Variants in PDE11A observed in about 807,000 individuals in gnomAD.
The protein encoded by PDE11A is dual 3',5'-cyclic-AMP and -GMP phosphodiesterase 11A.
Under a neutral mutation model 100.5 loss-of-function variants are expected in PDE11A, and 100 were observed. The observed-to-expected ratio is 1.00, with a 90% CI of 0.85 to 1.18. The LOEUF (loss-of-function observed/expected upper bound fraction) is 1.18, where lower values mean the gene tolerates loss of function less well. Among genes scored for constraint, PDE11A ranks in the 50% most tolerant of loss-of-function variants. The pLI, the probability that PDE11A is intolerant of heterozygous loss-of-function variation, is 0.00. For missense variants in PDE11A, 1,141 were observed against 1,152.6 expected (o/e 0.99, Z 0.15); for synonymous variants, 381 against 420.8 (o/e 0.91, Z 1.16).
chr2:177,853,714 T>TGTGTGTGTGTG (rs1558974124), intron 5 of PDE11A, among the ~76,000 whole-genome samples: 1 of 16,288 alleles, frequency 6.1e-5, no homozygotes. Context: ...GTGTGTGTGT[T>TGTGTGTGTGTG]TGTGTGTGTG....
At chr2:178,078,057 C>T (rs900226157) in intron 2 of PDE11A, among the ~76,000 whole-genome samples, 4 of 152,008 alleles carry the variant, frequency 2.6e-5, no homozygotes, top group South Asian at 2.1e-4. Flanking sequence ...CCCTAGGAAA[C>T]GAATGCAAGA....
chr2:177,773,963 CT>C (rs1287463529), intron 9 of PDE11A, among the ~76,000 whole-genome samples: 1 of 152,130 alleles, frequency 6.6e-6, no homozygotes, highest in Non-Finnish European at 1.5e-5. Flanking sequence ...CTCTGATTTT[CT>C]TCTTTAAGCA....
chr2:178,083,009 C>A (rs1234183430), intron 2 of PDE11A, among the ~76,000 whole-genome samples: 1 of 152,034 alleles, frequency 6.6e-6, no homozygotes, highest in Non-Finnish European at 1.5e-5. Context: ...CAGTTGTAGG[C>A]CTTAGAATTT....
chr2:177,701,293 G>A, intron 13 of PDE11A, 82 bp from the exon 14 acceptor site: 2 of 764,680 alleles, frequency 2.6e-6, no homozygotes, highest in South Asian at 1.4e-5. Context: ...TGCTTTTCTT[G>A]CTTTTGGCAA....
At chr2:178,018,574 A>G (rs953085455) in intron 1 of PDE11A, 5 of 344,628 alleles carry the variant, frequency 1.5e-5, no homozygotes, top group East Asian at 7.6e-5. Context: ...GAAGTAACAG[A>G]TAAGTTCATT....
chr2:178,085,919 C>T (rs572679608), intron 2 of PDE11A, among the ~76,000 whole-genome samples: 71 of 152,286 alleles, frequency 4.7e-4, no homozygotes, highest in South Asian at 8.3e-4. Context: ...AACAGATTTT[C>T]GGAGACAGTT....
chr2:177,995,353 T>C (rs982760364), intron 2 of PDE11A, among the ~76,000 whole-genome samples: 21 of 152,260 alleles, frequency 1.4e-4, no homozygotes, highest in African/African-American at 5.1e-4. Flanking sequence ...TTTGTATCAT[T>C]CTAGCCTTTC....
At chr2:178,030,502 A>G (rs1434379454) in intron 1 of PDE11A, among the ~76,000 whole-genome samples, 1 of 152,162 alleles carries the variant, frequency 6.6e-6, no homozygotes, top group Non-Finnish European at 1.5e-5. Context: ...AACTATTCCA[A>G]CTAATGGAAA....
intron 1 of PDE11A, among the ~76,000 whole-genome samples, chr2:178,037,028 T>C (rs1035824769): frequency 1.3e-5 from 2 of 152,170 alleles, no homozygotes; most frequent in Non-Finnish European, 2.9e-5. Context: ...AAATGAGATC[T>C]AGTCAAACTA....
chr2:177,676,060 A>G (rs1054443094), intron 16 of PDE11A: 1 of 199,086 alleles, frequency 5.0e-6, no homozygotes, highest in African/African-American at 2.3e-5. Context: ...ACTCCAGTTT[A>G]CTACCTGGCT....
intron 2 of PDE11A, among the ~76,000 whole-genome samples, chr2:178,089,947 G>C (rs1283311696): frequency 6.6e-6 from 1 of 152,188 alleles, no homozygotes; most frequent in Non-Finnish European, 1.5e-5. Flanking sequence ...AGCTATAAAA[G>C]AATATGTGGC....
At chr2:177,770,568 A>G (rs1192401935) in intron 9 of PDE11A, among the ~76,000 whole-genome samples, 1 of 152,172 alleles carries the variant, frequency 6.6e-6, no homozygotes, top group Non-Finnish European at 1.5e-5. Context: ...TCCTTCATGG[A>G]ATACAGCTGT....
intron 2 of PDE11A, among the ~76,000 whole-genome samples, chr2:178,012,852 A>G (rs1534289): frequency 0.6 from 91,850 of 152,060 alleles, 29,112 homozygotes; most frequent in Admixed American, 0.71. Context: ...TAGTGGTTAT[A>G]TTTGGAAAGA....
Position 177,697,360 on chromosome 2 carries a change from A to G in PDE11A, c.2317T>C (p.Leu773=). 1 of 1,593,766 alleles carries G rather than the reference A, an allele frequency of 6.3e-7. No individual in the cohort carries two copies. Among genetic ancestry groups the G allele is most frequent in the Non-Finnish European group, 8.6e-7 (1 of 1,161,578 alleles). Residue 773 remains leucine, a synonymous_variant, in exon 15 of 20, where the codon TTG becomes CTG. Transcript: ENST00000286063. ...AAGTACAGCGTGAGGTCTGTTGCCA[A>G]TATTGACTGCTTCAAAAGCTGCATA... ...DLMQLLKQSI[L]ATDLTLYFER...
At chr2:178,100,471 A>C (rs2087548188) in intron 2 of PDE11A, among the ~76,000 whole-genome samples, 1 of 152,184 alleles carries the variant, frequency 6.6e-6, no homozygotes, top group Non-Finnish European at 1.5e-5. Flanking sequence ...TGAACTACTG[A>C]CTTCATGGTT....
At chr2:178,062,225 G>A (rs1184640960) in intron 1 of PDE11A, among the ~76,000 whole-genome samples, 1 of 151,924 alleles carries the variant, frequency 6.6e-6, no homozygotes, top group Non-Finnish European at 1.5e-5. Context: ...ATAATTTTAG[G>A]GTTATGATAA....
At chr2:177,810,936 C>A (rs2105569345) in intron 9 of PDE11A, among the ~76,000 whole-genome samples, 1 of 152,174 alleles carries the variant, frequency 6.6e-6, no homozygotes, top group South Asian at 2.1e-4. Context: ...ATCCTGATAG[C>A]ATATGCCTTT....
intron 2 of PDE11A, among the ~76,000 whole-genome samples, chr2:178,001,886 GTCTA>G (rs1476925710): frequency 4.6e-5 from 7 of 152,202 alleles, no homozygotes; most frequent in African/African-American, 1.7e-4. Context: ...GCAGGATTTG[GTCTA>G]TCTGCTTTTT....
At chr2:178,049,687 C>T (rs947351794) in intron 1 of PDE11A, among the ~76,000 whole-genome samples, 3 of 152,194 alleles carry the variant, frequency 2.0e-5, no homozygotes, top group African/African-American at 7.2e-5. Flanking sequence ...TAGCAAACGG[C>T]ACACCAGGAG....
Sources: allele counts gnomAD v4.1 joint callset (sites outside exome capture counted in the v4.1 genomes callset), GRCh38; gene constraint gnomAD v4.1.1; transcripts MANE v1.5; gene names NCBI Gene and HGNC (gene_info 2026-07-23, HGNC 2026-07-21).